Variants in MCF2 observed in about 807,000 individuals in gnomAD.
MCF2 encodes the protein proto-oncogene DBL.
Under a neutral mutation model 82.5 loss-of-function variants are expected in MCF2, and 44 were observed. The ratio of observed to expected loss-of-function variants is 0.53; its 90% CI spans 0.42 to 0.69. The LOEUF (loss-of-function observed/expected upper bound fraction) is 0.69, where lower values mean the gene tolerates loss of function less well. Ranked by LOEUF, MCF2 falls within the 30% of genes least tolerant of loss-of-function variation. The pLI is 0.00. For missense variants in MCF2, 623 were observed against 663.1 expected (o/e 0.94, Z 0.66); for synonymous variants, 217 against 224.9 (o/e 0.96, Z 0.32).
intron 1 of MCF2, among the ~76,000 whole-genome samples, chrX:139,667,094 A>C (rs1210858442): frequency 9.0e-6 from 1 of 110,683 alleles, no homozygotes; most frequent in East Asian, 2.8e-4. Context: ...CTCTTTGGTA[A>C]ACTTCTCATT....
rs769150132 is a variant in MCF2, at chrX:139,604,759, A to G, written c.1674-9T>C. The G allele has an allele frequency of 1.6e-5, 19 of 1,179,500 alleles. No individual in the cohort carries two copies. The highest frequency in any genetic ancestry group is 1.9e-5 in the Non-Finnish European group (17 of 875,136). On this transcript the variant is annotated splice_polypyrimidine_tract_variant and intron_variant, in intron 14 of 24. Coordinates refer to ENST00000370576, the Ensembl canonical transcript of MCF2. ...GGCTGCTCAAGAAAATGCTGTGAAA[A>G]TTTCAGAGAAAAAAAATTGCATGAT...
At chrX:139,622,836 C>T (rs1292078029) in intron 6 of MCF2, among the ~76,000 whole-genome samples, 5 of 109,528 alleles carry the variant, frequency 4.6e-5, no homozygotes, top group African/African-American at 1.0e-4. Flanking sequence ...ACATATGTAA[C>T]GAACCTGCAC....
chrX:139,696,432 GT>G (rs1171764848), intron 1 of MCF2, among the ~76,000 whole-genome samples: 1 of 101,836 alleles, frequency 9.8e-6, no homozygotes, highest in African/African-American at 3.6e-5. Flanking sequence ...AGAGTCTTTT[GT>G]TTTTGTTTGA....
intron 22 of MCF2, among the ~76,000 whole-genome samples, chrX:139,586,922 T>C (rs1411625674): frequency 8.9e-6 from 1 of 111,976 alleles, no homozygotes; most frequent in African/African-American, 3.2e-5. Flanking sequence ...CGATAAAAGA[T>C]GGAGCTTTTT....
intron 2 of MCF2, among the ~76,000 whole-genome samples, chrX:139,651,095 C>T (rs5907636): frequency 0.4 from 43,746 of 109,286 alleles, 7,677 homozygotes; most frequent in Non-Finnish European, 0.55. Flanking sequence ...AGACCTGAAA[C>T]TCCGGAGATG....
intron 2 of MCF2, 96 bp downstream of exon 2, chrX:139,651,624 A>C: frequency 2.1e-6 from 1 of 485,361 alleles, no homozygotes; most frequent in South Asian, 3.7e-5. Flanking sequence ...TAATAGCTCT[A>C]TATATAGAGA....
chrX:139,628,139 G>A (rs925496643), intron 4 of MCF2, among the ~76,000 whole-genome samples: 1 of 111,414 alleles, frequency 9.0e-6, no homozygotes, highest in African/African-American at 3.3e-5. Flanking sequence ...ATACCCAAAG[G>A]AAAATAAATT....
intron 1 of MCF2, among the ~76,000 whole-genome samples, chrX:139,637,146 A>C (rs1933274176): frequency 2.7e-5 from 3 of 111,634 alleles, no homozygotes; most frequent in African/African-American, 9.8e-5. Flanking sequence ...TCTTTTTTGC[A>C]TATCTTCCTA....
chrX:139,596,470 T>C (rs919590135), intron 19 of MCF2, 79 bp downstream of exon 23: 4 of 800,191 alleles, frequency 5.0e-6, no homozygotes, highest in African/African-American at 4.2e-5. Flanking sequence ...ACCTACTCAT[T>C]TGAAACAAAA....
chrX:139,643,908 C>T (rs777168715), upstream of MCF2, among the ~76,000 whole-genome samples: 7 of 111,333 alleles, frequency 6.3e-5, no homozygotes, highest in Non-Finnish European at 1.1e-4. Flanking sequence ...TTTAATCAGG[C>T]GGGTGCAGTG....
chrX:139,702,011 C>T (rs1026197566), intron 1 of MCF2, among the ~76,000 whole-genome samples: 5 of 111,199 alleles, frequency 4.5e-5, no homozygotes, highest in African/African-American at 1.6e-4. Flanking sequence ...TCTATCACCC[C>T]TGGGGCTGCC....
intron 1 of MCF2, among the ~76,000 whole-genome samples, chrX:139,633,354 T>A (rs753589659): frequency 1.2e-4 from 13 of 112,070 alleles, no homozygotes; most frequent in Non-Finnish European, 2.1e-4. Flanking sequence ...CACCACGTAC[T>A]AAATGCTTAC....
chrX:139,604,479 G>A (rs998594292), intron 15 of MCF2, among the ~76,000 whole-genome samples: 2 of 110,258 alleles, frequency 1.8e-5, no homozygotes, highest in Non-Finnish European at 3.8e-5. Flanking sequence ...AATGGAAGGG[G>A]TATTTTTATG....
At position 139,588,756 on chromosome X, in the gene MCF2, C is replaced by CTAA. The variant is rs1489289628; in HGVS notation, c.2371-319_2371-318insTTA. Among the ~76,000 whole-genome samples, 57 of 107,287 alleles carry CTAA rather than the reference C, an allele frequency of 5.3e-4. 2 individuals carry two copies. Among genetic ancestry groups the CTAA allele is most frequent in the East Asian group, 2.7e-3 (9 of 3,373 alleles). The allele number at this position is 107,287 out of a possible 115,157, so 93.2% of individuals were successfully genotyped here. On this transcript the variant is annotated intron_variant, in intron 20 of 24. Transcript: ENST00000370576. Reference sequence around the variant, plus strand: ...GGAAACCCCATCTCTACTACTACTACTACTACTAATAATAATAATAATAAT... The same window carrying CTAA: ...GGAAACCCCATCTCTACTACTACTACTAATACTACTAATAATAATAATAATAAT...
At chrX:139,692,246 G>A in intron 1 of MCF2, 1 of 514,176 alleles carries the variant, frequency 1.9e-6, no homozygotes, top group South Asian at 3.2e-5. Context: ...TCTGACCCGC[G>A]CGCCGCCGCT....
intron 18 of MCF2, among the ~76,000 whole-genome samples, 167 bp downstream of exon 22, chrX:139,597,293 C>T (rs1930184314): frequency 9.0e-6 from 1 of 111,315 alleles, no homozygotes; most frequent in African/African-American, 3.3e-5. Flanking sequence ...CATTTGGCTG[C>T]TGATCTGAAG....
At position 139,593,512 on chromosome X, in the gene MCF2, A is replaced by G. The variant is rs751385907; in HGVS notation, c.2277+3037T>C. Among the ~76,000 whole-genome samples the G allele has an allele frequency of 9.9e-5, 11 of 111,098 alleles. No individual in the cohort carries two copies. In the South Asian group the frequency reaches 1.5e-3, roughly 16 times the overall value. On this transcript the variant is annotated intron_variant, in intron 19 of 24. Coordinates refer to ENST00000370576, the Ensembl canonical transcript of MCF2. ...AACTATTCCAATCAATAGAAAAAGA[A>G]GGAATCCTCCCTAACTCATTTTATG...
chrX:139,630,901 G>A (rs1266988517), intron 3 of MCF2, among the ~76,000 whole-genome samples: 2 of 111,875 alleles, frequency 1.8e-5, no homozygotes, highest in African/African-American at 3.2e-5. Context: ...ACTTATTGAC[G>A]GTTTGCCATA....
In MCF2 at chrX:139,615,056, C is replaced by T. The variant is rs368585061; in HGVS notation, c.1192-4G>A. The T allele has an allele frequency of 4.1e-5, 49 of 1,182,751 alleles. No individual in the cohort carries two copies. In the East Asian group the frequency reaches 4.5e-4, roughly 11 times the overall value. On this transcript the variant is annotated splice_region_variant and splice_polypyrimidine_tract_variant and intron_variant, in intron 9 of 24. Transcript: ENST00000370576. ...GTTGTATAGTCTTCATTTGAACCTG[C>T]GAGTTGTATAAGAATTATAGGAAAT... is the stretch of plus-strand genomic sequence containing the variant.
Sources: gnomAD v4.1 joint callset for allele counts (sites outside exome capture counted in the v4.1 genomes callset) on GRCh38, gnomAD v4.1.1 for gene constraint, MANE v1.5 for transcripts, NCBI Gene and HGNC (gene_info 2026-07-23, HGNC 2026-07-21) for gene names.